Variants in SYNDIG1L observed in about 807,000 individuals in gnomAD.
The protein encoded by SYNDIG1L is synapse differentiation inducing 1 like.
In SYNDIG1L, 13 loss-of-function variants were observed where a neutral mutation model predicts 20.1. That is an observed-to-expected ratio of 0.65 (90% CI 0.42 to 1.03). The LOEUF is 1.03. SYNDIG1L is among the 50% of genes least tolerant of loss of function. The pLI, the probability that SYNDIG1L is intolerant of heterozygous loss-of-function variation, is 0.00. For synonymous variants in SYNDIG1L, 128 were observed against 129.3 expected, an observed-to-expected ratio of 0.99 and a Z score of 0.07; for missense variants, 294 against 305.1, an observed-to-expected ratio of 0.96 and a Z score of 0.27.
intron 1 of SYNDIG1L, among the ~76,000 whole-genome samples, chr14:74,416,346 G>C (rs1303590541): frequency 6.6e-6 from 1 of 151,890 alleles, no homozygotes; most frequent in Non-Finnish European, 1.5e-5. Flanking sequence ...ACTTAAAAAA[G>C]ACAAAGAGGC....
chr14:74,407,813 G>T, intron 3 of SYNDIG1L, 36 bp downstream of exon 3: 1 of 1,596,232 alleles, frequency 6.3e-7, no homozygotes, highest in South Asian at 1.1e-5. Context: ...TAGAGTGACG[G>T]GCCAGAGAAG....
the SYNDIG1L span, among the ~76,000 whole-genome samples, chr14:74,439,735 C>T: frequency 3.3e-5 from 5 of 151,614 alleles, no homozygotes; most frequent in Middle Eastern, 3.4e-3. Context: ...CAAAATTAGC[C>T]GGGCGTGGTG....
At chr14:74,418,844 T>G (rs2086198419) in intron 1 of SYNDIG1L, among the ~76,000 whole-genome samples, 1 of 152,208 alleles carries the variant, frequency 6.6e-6, no homozygotes, top group Non-Finnish European at 1.5e-5. Flanking sequence ...TGAAGCCATT[T>G]TCGGTTCTTC....
At chr14:74,421,737 C>T (rs2086223146) in intron 1 of SYNDIG1L, among the ~76,000 whole-genome samples, 1 of 152,092 alleles carries the variant, frequency 6.6e-6, no homozygotes, top group South Asian at 2.1e-4. Context: ...GTCGAAGGAC[C>T]TTTGGAGAGA....
At chr14:74,463,100 C>T in the SYNDIG1L span, among the ~76,000 whole-genome samples, 2 of 152,210 alleles carry the variant, frequency 1.3e-5, no homozygotes, top group African/African-American at 4.8e-5. Context: ...CCTGCCTCCA[C>T]ATTTTGCTCT....
At chr14:74,441,391 T>C in the SYNDIG1L span, among the ~76,000 whole-genome samples, 1 of 152,206 alleles carries the variant, frequency 6.6e-6, no homozygotes, top group African/African-American at 2.4e-5. Flanking sequence ...GTATATAGAA[T>C]TCAGGGTGCA....
intron 1 of SYNDIG1L, among the ~76,000 whole-genome samples, chr14:74,421,459 C>T (rs1286225712): frequency 5.9e-5 from 9 of 152,022 alleles, no homozygotes; most frequent in Non-Finnish European, 1.3e-4. Flanking sequence ...AACGGAAAGA[C>T]TAGAGGAGAA....
At chr14:74,427,698 C>T (rs1417535261), upstream of SYNDIG1L, among the ~76,000 whole-genome samples, 1 of 152,214 alleles carries the variant, frequency 6.6e-6, no homozygotes, top group African/African-American at 2.4e-5. Context: ...GACCACTCAT[C>T]TCAGGCCCAT....
At chr14:74,424,773 G>A (rs569064038) in intron 1 of SYNDIG1L, among the ~76,000 whole-genome samples, 8 of 152,252 alleles carry the variant, frequency 5.3e-5, no homozygotes, top group East Asian at 1.9e-4. Context: ...TGACAGCAGC[G>A]CACACTGGTA....
the SYNDIG1L span, among the ~76,000 whole-genome samples, chr14:74,471,597 C>CACACACACACACACACACACAT: frequency 7.7e-5 from 7 of 91,080 alleles, no homozygotes; most frequent in Middle Eastern, 5.6e-3. Context: ...GACCCTATCT[C>CACACACACACACACACACACAT]ACACACACAC....
chr14:74,409,351 C>T lies in SYNDIG1L; in HGVS notation c.394G>A (p.Glu132Lys), dbSNP rs1444786519. Reference protein sequence around the residue: ...YGVQEELRDQEDDQEEEESDA... With the variant: ...YGVQEELRDQKDDQEEEESDA... Reference sequence around the variant, plus strand: ...ACCTCCTCTTCCTCCTGGTCATCCTCCTGGTCCCGCAGCTCCTCTTGTACC... The same window carrying T: ...ACCTCCTCTTCCTCCTGGTCATCCTTCTGGTCCCGCAGCTCCTCTTGTACC... Residue 132 changes from glutamate (E) to lysine (K), a missense_variant, in exon 2 of 4, where the codon GAG becomes AAG. Coordinates refer to ENST00000331628, the MANE Select transcript of SYNDIG1L (RefSeq NM_001105579.2). 1 of 1,570,570 alleles carries T rather than the reference C, an allele frequency of 6.4e-7. No individual in the cohort carries two copies. The highest frequency in any genetic ancestry group is 8.6e-7 in the Non-Finnish European group (1 of 1,158,122).
the SYNDIG1L span, among the ~76,000 whole-genome samples, chr14:74,435,146 ATCTC>A: frequency 6.6e-6 from 1 of 150,842 alleles, no homozygotes; most frequent in Non-Finnish European, 1.5e-5. Context: ...TGCAACTTGA[ATCTC>A]TCTCCCTGCC....
At chr14:74,433,702 C>T in the SYNDIG1L span, among the ~76,000 whole-genome samples, 59 of 152,076 alleles carry the variant, frequency 3.9e-4, no homozygotes, top group Non-Finnish European at 6.9e-4. Context: ...TTAATTCTAA[C>T]AACCCCACAA....
chr14:74,429,723 A>T (rs2086290024), upstream of SYNDIG1L, among the ~76,000 whole-genome samples: 1 of 152,214 alleles, frequency 6.6e-6, no homozygotes, highest in Admixed American at 6.5e-5. Context: ...CAAATCCTGC[A>T]CTCATGGATA....
rs773091318 is a variant in SYNDIG1L at position 74,407,877 on chromosome 14, C to G, written c.530G>C (p.Gly177Ala). The change falls in exon 3 of 4, where the codon GGC becomes GCC. Residue 177 changes from glycine (G) to alanine (A), a missense_variant. By Grantham distance (60) the Gly-to-Ala change is moderately conservative (BLOSUM62 0). Coordinates refer to ENST00000331628, the MANE Select transcript of SYNDIG1L (RefSeq NM_001105579.2). ...CTGGGAGAAGTAGAAGGCAGCAATG[C>G]CCAGTGGCCAGAAGCAGCAGAGCAT... ...FSMLCCFWPL[G>A]IAAFYFSQGT... 1 of 1,613,690 alleles carries G rather than the reference C, an allele frequency of 6.2e-7. No individual in the cohort carries two copies. The highest frequency in any genetic ancestry group is 8.5e-7 in the Non-Finnish European group (1 of 1,179,762).
At chr14:74,449,095 T>C in the SYNDIG1L span, among the ~76,000 whole-genome samples, 23 of 151,588 alleles carry the variant, frequency 1.5e-4, no homozygotes, top group Admixed American at 3.9e-4. Flanking sequence ...TAGCCTGGCA[T>C]GGTGGTGTGT....
intron 1 of SYNDIG1L, among the ~76,000 whole-genome samples, chr14:74,410,382 GA>G (rs2086121422): frequency 1.3e-5 from 2 of 152,174 alleles, no homozygotes; most frequent in Non-Finnish European, 2.9e-5. Context: ...TTGGATACAG[GA>G]AAAGGCAGGT....
chr14:74,444,777 C>CA, the SYNDIG1L span, among the ~76,000 whole-genome samples: 783 of 151,672 alleles, frequency 5.2e-3, 5 homozygotes, highest in African/African-American at 0.016. Context: ...CAAAACAAGA[C>CA]AAAAAAAATC....
intron 1 of SYNDIG1L, among the ~76,000 whole-genome samples, chr14:74,419,860 A>G (rs1468171987): frequency 6.6e-6 from 1 of 152,068 alleles, no homozygotes; most frequent in African/African-American, 2.4e-5. Flanking sequence ...GCACAAAAGC[A>G]TGGGGTAGTG....
Sources: allele counts gnomAD v4.1 joint callset (sites outside exome capture counted in the v4.1 genomes callset), GRCh38; gene constraint gnomAD v4.1.1; transcripts MANE v1.5; gene names NCBI Gene and HGNC (gene_info 2026-07-23, HGNC 2026-07-21).